TM6SF1: variants seen among roughly 807,000 people sequenced by gnomAD.
TM6SF1 encodes the protein transmembrane 6 superfamily member 1.
A neutral mutation model predicts 47.1 loss-of-function variants in TM6SF1; 43 were observed. The ratio of observed to expected loss-of-function variants is 0.91; its 90% CI spans 0.72 to 1.18. TM6SF1 has a LOEUF of 1.18. Ranked by LOEUF, TM6SF1 falls within the 50% of genes most tolerant of loss-of-function variation. The pLI is 0.00. For synonymous variants in TM6SF1, 177 were observed against 166.3 expected, an observed-to-expected ratio of 1.06 and a Z score of -0.49; for missense variants, 390 against 449.0, an observed-to-expected ratio of 0.87 and a Z score of 1.19.
At chr15:83,119,234 G>T (rs550965327) in intron 3 of TM6SF1, among the ~76,000 whole-genome samples, 1 of 152,210 alleles carries the variant, frequency 6.6e-6, no homozygotes, top group African/African-American at 2.4e-5. Flanking sequence ...TCACTGCCAA[G>T]CACCTTGTGT....
At chr15:83,111,248 C>T (rs1428671018) in intron 1 of TM6SF1, among the ~76,000 whole-genome samples, 1 of 151,974 alleles carries the variant, frequency 6.6e-6, no homozygotes, top group Non-Finnish European at 1.5e-5. Context: ...TCCATCCATC[C>T]ACTCATCATC....
chr15:83,120,252 T>C (rs908400605), intron 4 of TM6SF1, among the ~76,000 whole-genome samples: 1 of 152,202 alleles, frequency 6.6e-6, no homozygotes, highest in African/African-American at 2.4e-5. Flanking sequence ...AGCTTGGTCT[T>C]GGGAGGCACA....
At chr15:83,128,269 C>G (rs1451624711) in intron 9 of TM6SF1, 2 of 152,110 alleles carry the variant, frequency 1.3e-5, no homozygotes, top group African/African-American at 4.8e-5. Context: ...GTAAGACATA[C>G]TAGAATTCAC....
rs2033797317 is a variant in TM6SF1, at chr15:83,107,798, C to A, written c.92+26C>A. Reference sequence around the variant, plus strand: ...GTGAGTGAGCCGGCGCGGCGGGGGTCGCGCCGAGGGGCGGCGGGAGTTGGC... The same window carrying A: ...GTGAGTGAGCCGGCGCGGCGGGGGTAGCGCCGAGGGGCGGCGGGAGTTGGC... On this transcript the variant is annotated intron_variant, in intron 1 of 9. Transcript: ENST00000322019. The surrounding 1 kb of genome is among the most constrained non-coding windows in gnomAD (Gnocchi z 5.6). 5 of 1,564,146 alleles carry A rather than the reference C, an allele frequency of 3.2e-6. No homozygotes were observed. The South Asian group carries it at 3.5e-5, about 11-fold the overall frequency.
In TM6SF1 at chr15:83,126,949, T is replaced by C. The variant is rs1485427874; in HGVS notation, c.801+102T>C. The C allele has an allele frequency of 4.6e-6, 4 of 874,126 alleles. No individual in the cohort carries two copies. The African/African-American group carries it at 5.1e-5, about 11-fold the overall frequency. 54.1% of individuals were successfully genotyped at this position (874,126 alleles called of 1,614,324 possible). On this transcript the variant is annotated intron_variant, in intron 8 of 9. Coordinates refer to ENST00000322019, the MANE Select transcript of TM6SF1 (RefSeq NM_023003.5). ...GGCTCACGCCTGTAATCCCAGCACT[T>C]TGGGAGGCCGAGGCAGGTTGATCAC...
chr15:83,125,233 C>T (rs1449444687), intron 7 of TM6SF1, among the ~76,000 whole-genome samples: 3 of 152,178 alleles, frequency 2.0e-5, no homozygotes, highest in African/African-American at 7.2e-5. Context: ...GGGAATGTCT[C>T]ACTGGTAAGA....
intron 1 of TM6SF1, among the ~76,000 whole-genome samples, chr15:83,112,576 C>A (rs766268041): frequency 6.6e-6 from 1 of 152,128 alleles, no homozygotes; most frequent in East Asian, 1.9e-4. Flanking sequence ...ATGAGGAGGA[C>A]CTGATGGCTT....
At chr15:83,114,451 C>T (rs866264417) in intron 2 of TM6SF1, 5 of 152,258 alleles carry the variant, frequency 3.3e-5, no homozygotes, top group Admixed American at 6.5e-5. Flanking sequence ...CATATGATGG[C>T]TAATCACCTG....
intron 9 of TM6SF1, 84 bp from the exon 10 acceptor site, chr15:83,136,397 C>T (rs979333740): frequency 8.3e-7 from 1 of 1,205,136 alleles, no homozygotes; most frequent in Non-Finnish European, 1.1e-6. Flanking sequence ...AGAAACGTAG[C>T]CTGAATGAAC....
intron 9 of TM6SF1, chr15:83,128,459 T>A (rs1484095803): frequency 6.6e-6 from 1 of 152,258 alleles, no homozygotes; most frequent in East Asian, 1.9e-4. Flanking sequence ...TTATTGCTCT[T>A]TGCTGGTTGT....
chr15:83,122,048 T>A (rs1188032254), intron 5 of TM6SF1, 45 bp downstream of exon 5: 5 of 1,442,966 alleles, frequency 3.5e-6, no homozygotes, highest in Admixed American at 1.8e-5. Context: ...TCTAAAACAA[T>A]GGGGCTTGTT....
chr15:83,127,615 A>T, intron 9 of TM6SF1, 138 bp downstream of exon 9: 1 of 900,878 alleles, frequency 1.1e-6, no homozygotes, highest in Non-Finnish European at 1.7e-6. Context: ...GCAGTTCTTC[A>T]GAAGACATTT....
At chr15:83,132,294 C>T (rs1009990341) in intron 9 of TM6SF1, 15 of 152,110 alleles carry the variant, frequency 9.9e-5, no homozygotes, top group African/African-American at 3.6e-4. Context: ...TGAAGACAAA[C>T]TAATTAAATT....
At chr15:83,125,369 G>A (rs1307806451) in intron 7 of TM6SF1, among the ~76,000 whole-genome samples, 1 of 152,172 alleles carries the variant, frequency 6.6e-6, no homozygotes, top group African/African-American at 2.4e-5. Context: ...GCAGAGGTTA[G>A]GAAAAAGACT....
Position 83,119,692 on chromosome 15 carries a change from T to G in TM6SF1, c.398+11T>G. ...AGCCATAGCATGGGAGTAAGTCAGT[T>G]CACCTGGTGTGTGCCTTTGCCACCT... On this transcript the variant is annotated intron_variant, in intron 4 of 9. Transcript: ENST00000322019. 6.2e-7 allele frequency: 1 copy of G among 1,614,050 alleles called. No homozygotes were observed. Among genetic ancestry groups the G allele is most frequent in the Non-Finnish European group, 8.5e-7 (1 of 1,179,944 alleles).
intron 2 of TM6SF1, chr15:83,113,250 G>A: frequency 2.8e-6 from 1 of 358,704 alleles, no homozygotes; most frequent in East Asian, 6.2e-5. Flanking sequence ...CCCCCACTTA[G>A]TGCAGAACTT....
intron 1 of TM6SF1, among the ~76,000 whole-genome samples, chr15:83,108,056 T>C (rs1353821266): frequency 6.6e-6 from 1 of 152,132 alleles, no homozygotes; most frequent in Non-Finnish European, 1.5e-5. Context: ...AATACGGCCA[T>C]GCCCCTGCCC....
intron 1 of TM6SF1, among the ~76,000 whole-genome samples, chr15:83,108,661 T>C (rs1386793405): frequency 6.6e-6 from 1 of 152,234 alleles, no homozygotes; most frequent in Admixed American, 6.5e-5. Context: ...CTGATGTTGG[T>C]TGCTGTCTGG....
intron 9 of TM6SF1, 114 bp downstream of exon 9, chr15:83,127,591 T>A: frequency 6.7e-6 from 8 of 1,186,312 alleles, no homozygotes; most frequent in Non-Finnish European, 9.6e-6. Flanking sequence ...ATTAGACATG[T>A]CACCTTTTGT....
Sources: gnomAD v4.1 joint callset for allele counts (sites outside exome capture counted in the v4.1 genomes callset) on GRCh38, gnomAD v4.1.1 for gene constraint, Gnocchi (gnomAD v3.1) non-coding constraint, MANE v1.5 for transcripts, NCBI Gene and HGNC (gene_info 2026-07-23, HGNC 2026-07-21) for gene names.